The following TSPAN2 variants were observed in gnomAD, a reference collection of about 807,000 sequenced individuals.
TSPAN2 encodes tetraspanin 2.
A neutral mutation model predicts 33.3 loss-of-function variants in TSPAN2; 24 were observed. The ratio of observed to expected loss-of-function variants is 0.72; its 90% CI spans 0.52 to 1.01. The LOEUF (loss-of-function observed/expected upper bound fraction) is 1.01. TSPAN2 is among the 50% of genes least tolerant of loss of function. The pLI is 0.00. For synonymous variants in TSPAN2, 114 were observed against 104.5 expected (o/e 1.09, Z -0.56); for missense variants, 278 against 281.3 (o/e 0.99, Z 0.08).
rs200354719 is a variant in TSPAN2 at position 115,089,356 on chromosome 1, G to A, written c.69+8C>T. 1,277 of 1,577,240 alleles carry A rather than the reference G, an allele frequency of 8.1e-4. 7 individuals are homozygous for A. In the African/African-American group the frequency reaches 0.014, roughly 18 times the overall value. ...GCCCTGACCGGCCCTCCCGGCTCCT[G>A]GTCTCACCCAGAAGAGCAGGTTGAA... On this transcript the variant is annotated splice_region_variant and intron_variant, in intron 1 of 7. Transcript: ENST00000369516.
chr1:115,057,644 G>C, intron 5 of TSPAN2, 36 bp from the exon 6 acceptor site: 3 of 1,604,806 alleles, frequency 1.9e-6, no homozygotes, highest in Non-Finnish European at 2.6e-6. Flanking sequence ...GGACCAGGCG[G>C]GAGGAGTAGC....
At chr1:115,082,633 C>T (rs1394779737) in intron 1 of TSPAN2, among the ~76,000 whole-genome samples, 1 of 152,198 alleles carries the variant, frequency 6.6e-6, no homozygotes, top group African/African-American at 2.4e-5. Context: ...CTGCCTGAAA[C>T]TGATCAGCAG....
intron 1 of TSPAN2, among the ~76,000 whole-genome samples, chr1:115,081,974 C>G (rs1648641407): frequency 6.6e-6 from 1 of 152,164 alleles, no homozygotes; most frequent in Non-Finnish European, 1.5e-5. Context: ...TGTCTCCTCT[C>G]TTTAATGTTT....
chr1:115,076,766 G>A (rs1442571999), intron 1 of TSPAN2, among the ~76,000 whole-genome samples: 1 of 152,194 alleles, frequency 6.6e-6, no homozygotes, highest in Admixed American at 6.5e-5. Context: ...TCAGAGATGA[G>A]GAAAGTCCAG....
chr1:115,080,551 A>G (rs1462653980), intron 1 of TSPAN2, among the ~76,000 whole-genome samples: 1 of 152,214 alleles, frequency 6.6e-6, no homozygotes, highest in Non-Finnish European at 1.5e-5. Flanking sequence ...CTGGGATTAC[A>G]GGTGTGAGCC....
chr1:115,074,959 C>T (rs1000938133), intron 1 of TSPAN2, among the ~76,000 whole-genome samples: 7 of 152,218 alleles, frequency 4.6e-5, no homozygotes, highest in East Asian at 3.9e-4. Flanking sequence ...ATCTCTGTGG[C>T]GACTCAATGG....
chr1:115,084,370 G>C (rs1474707125), intron 1 of TSPAN2, among the ~76,000 whole-genome samples: 2 of 152,154 alleles, frequency 1.3e-5, no homozygotes, highest in African/African-American at 4.8e-5. Context: ...GTGGAGGCAG[G>C]AATAGAGTCA....
chr1:115,073,331 C>T (rs931984877), intron 1 of TSPAN2, among the ~76,000 whole-genome samples: 1 of 152,180 alleles, frequency 6.6e-6, no homozygotes, highest in African/African-American at 2.4e-5. Flanking sequence ...CAATAACATT[C>T]CCTCTGGAAG....
At chr1:115,082,680 T>C (rs896518503) in intron 1 of TSPAN2, among the ~76,000 whole-genome samples, 10 of 152,216 alleles carry the variant, frequency 6.6e-5, no homozygotes, top group Non-Finnish European at 4.4e-5. Context: ...TCTTCTCCCA[T>C]ATGCCTTAGT....
At chr1:115,055,269 G>T (rs1346050684) in intron 6 of TSPAN2, among the ~76,000 whole-genome samples, 2 of 151,620 alleles carry the variant, frequency 1.3e-5, no homozygotes, top group African/African-American at 2.4e-5. Flanking sequence ...ATGTACAAAA[G>T]GTATATTGGC....
At chr1:115,082,576 C>T (rs1648668208) in intron 1 of TSPAN2, among the ~76,000 whole-genome samples, 1 of 152,206 alleles carries the variant, frequency 6.6e-6, no homozygotes, top group Non-Finnish European at 1.5e-5. Context: ...ACTTTTTAAA[C>T]TGTCTCTTGA....
intron 2 of TSPAN2, among the ~76,000 whole-genome samples, chr1:115,067,194 G>A (rs759222354): frequency 6.6e-6 from 1 of 152,184 alleles, no homozygotes. Flanking sequence ...CTATGCTTTC[G>A]TTTTAGCAGT....
chr1:115,053,448 T>C lies in TSPAN2; in HGVS notation c.531A>G (p.Glu177=). ...ELLGHKNCID[E]IETIISVKLQ... is the part of the protein sequence containing the mutation. ...GCTTAACACTGATTATGGTCTCAAT[T>C]TCATCGATGCAATTCTGTTTTGAGG... Residue 177 remains glutamate (E), a synonymous_variant, in exon 7 of 8, where the codon GAA becomes GAG. Transcript: ENST00000369516. 6.2e-7 allele frequency: 1 copy of C among 1,613,868 alleles called. No homozygotes were observed. The highest frequency in any genetic ancestry group is 8.5e-7 in the Non-Finnish European group (1 of 1,179,818).
intron 2 of TSPAN2, among the ~76,000 whole-genome samples, chr1:115,062,560 C>T (rs7550281): frequency 0.31 from 46,742 of 152,046 alleles, 7,373 homozygotes; most frequent in East Asian, 0.46. Flanking sequence ...GCAAGCCCCA[C>T]GTACAGTTCT....
At chr1:115,063,044 C>A (rs745475206) in intron 2 of TSPAN2, among the ~76,000 whole-genome samples, 5 of 152,212 alleles carry the variant, frequency 3.3e-5, no homozygotes, top group Non-Finnish European at 7.3e-5. Flanking sequence ...CACCTCCTCC[C>A]TTTCCCTTTT....
intron 2 of TSPAN2, among the ~76,000 whole-genome samples, chr1:115,062,719 T>A (rs1335942336): frequency 6.6e-6 from 1 of 152,248 alleles, no homozygotes. Context: ...ATGGTCTCTA[T>A]TTCATTTTTT....
chr1:115,063,591 T>C (rs1487771832), intron 2 of TSPAN2, among the ~76,000 whole-genome samples: 1 of 152,158 alleles, frequency 6.6e-6, no homozygotes, highest in East Asian at 1.9e-4. Flanking sequence ...AAATAAGTCA[T>C]TCTGTCAAAA....
chr1:115,075,525 A>G (rs1025537214), intron 1 of TSPAN2, among the ~76,000 whole-genome samples: 3 of 152,202 alleles, frequency 2.0e-5, no homozygotes, highest in African/African-American at 7.2e-5. Context: ...TTTAAGATTC[A>G]TGGAATGCTC....
chr1:115,072,302 C>T (rs1399082774), intron 2 of TSPAN2, among the ~76,000 whole-genome samples: 1 of 152,036 alleles, frequency 6.6e-6, no homozygotes, highest in Non-Finnish European at 1.5e-5. Flanking sequence ...AGGGGAGTCC[C>T]TCTCATCTCC....
Sources: gnomAD v4.1 joint callset for allele counts (sites outside exome capture counted in the v4.1 genomes callset) on GRCh38, gnomAD v4.1.1 for gene constraint, MANE v1.5 for transcripts, NCBI Gene and HGNC (gene_info 2026-07-23, HGNC 2026-07-21) for gene names.